The following BCOR variants were observed in gnomAD, a reference collection of about 807,000 sequenced individuals.
BCOR encodes BCL-6 corepressor.
In BCOR, 10 loss-of-function variants were observed where a neutral mutation model predicts 86.7. The ratio of observed to expected loss-of-function variants is 0.12; its 90% confidence interval spans 0.07 to 0.20. The LOEUF (loss-of-function observed/expected upper bound fraction) is 0.20. Among genes scored for constraint, BCOR ranks in the 10% least tolerant of loss-of-function variants. The pLI is 1.00. For synonymous variants in BCOR, 611 were observed against 609.0 expected, an observed-to-expected ratio of 1.00 and a Z score of -0.05; for missense variants, 1,259 against 1,452.1, an observed-to-expected ratio of 0.87 and a Z score of 2.16.
intron 6 of BCOR, chrX:40,068,250 G>A (rs1434865045): frequency 8.9e-6 from 1 of 111,951 alleles, no homozygotes; most frequent in African/African-American, 3.3e-5. Flanking sequence ...CCCTAAACAG[G>A]ATGGCAGAGG....
intron 1 of BCOR, among the ~76,000 whole-genome samples, chrX:40,124,004 T>C (rs1040258602): frequency 2.2e-4 from 24 of 111,229 alleles, no homozygotes; most frequent in African/African-American, 7.5e-4. Context: ...GCCAGGGCCC[T>C]TGGGAGCGGG....
intron 1 of BCOR, among the ~76,000 whole-genome samples, chrX:40,085,489 T>C (rs1300955940): frequency 8.9e-6 from 1 of 111,880 alleles, no homozygotes; most frequent in Non-Finnish European, 1.9e-5. Context: ...CCGAAGTTCA[T>C]GTCTCACTCC....
intron 1 of BCOR, among the ~76,000 whole-genome samples, chrX:40,160,981 A>ATT (rs757432695): frequency 1.1e-5 from 1 of 94,010 alleles, no homozygotes; most frequent in East Asian, 3.3e-4. Context: ...GGCCTTTTTT[A>ATT]TTTTTTTTTT....
intron 1 of BCOR, among the ~76,000 whole-genome samples, chrX:40,161,506 CTTT>C (rs749528691): frequency 1.8e-5 from 1 of 55,978 alleles, no homozygotes; most frequent in Non-Finnish European, 3.1e-5. Context: ...CGATTCTCCC[CTTT>C]TTTTTTTTTT....
chrX:40,061,113 C>T (rs1934842893), intron 10 of BCOR, among the ~76,000 whole-genome samples: 1 of 112,839 alleles, frequency 8.9e-6, no homozygotes, highest in East Asian at 2.8e-4. Context: ...TGCTTCTCCA[C>T]ACTTCACACT....
intron 1 of BCOR, among the ~76,000 whole-genome samples, chrX:40,147,872 C>T (rs1175970686): frequency 8.9e-6 from 1 of 112,679 alleles, no homozygotes; most frequent in East Asian, 2.8e-4. Context: ...CTTGGGCCTA[C>T]AGTTGGCTGA....
intron 10 of BCOR, 120 bp downstream of exon 10, chrX:40,062,019 G>C (rs1036806782): frequency 5.3e-6 from 5 of 934,788 alleles, no homozygotes; most frequent in South Asian, 2.1e-5. Flanking sequence ...TTGGAGCACC[G>C]GCCCAGCCCC....
At chrX:40,146,865 C>T (rs1938068850) in intron 1 of BCOR, among the ~76,000 whole-genome samples, 1 of 112,455 alleles carries the variant, frequency 8.9e-6, no homozygotes, top group African/African-American at 3.2e-5. Flanking sequence ...TCCTGGCCTC[C>T]CCGACGCAGA....
rs1207950465 is a variant in BCOR at position 40,095,584 on chromosome X, G to GA, written c.-41+1630dup. Among the ~76,000 whole-genome samples the GA allele has an allele frequency of 3.6e-5, 4 of 111,325 alleles. No homozygotes were observed. In the South Asian group the frequency reaches 1.5e-3, roughly 42 times the overall value. On this transcript the variant is annotated intron_variant, in intron 1 of 14. Coordinates refer to ENST00000378444, the MANE Select transcript of BCOR (RefSeq NM_001123385.2). ...CCCTCCTCTAGCGTCTTCTCAAAAC[G>GA]AAAAAAGGGGGGGAAAACACAGCTA...
chrX:40,127,201 T>G (rs1274764057), intron 1 of BCOR, among the ~76,000 whole-genome samples: 1 of 112,101 alleles, frequency 8.9e-6, no homozygotes, highest in East Asian at 2.8e-4. Context: ...CTTAAGAGAC[T>G]TTGTAGCTTC....
At chrX:40,167,716 G>A (rs1938531818) in intron 1 of BCOR, among the ~76,000 whole-genome samples, 1 of 111,759 alleles carries the variant, frequency 8.9e-6, no homozygotes, top group Non-Finnish European at 1.9e-5. Context: ...ATAAGAGCTG[G>A]GCGCATTGTC....
chrX:40,144,293 T>A (rs940055930), intron 1 of BCOR, among the ~76,000 whole-genome samples: 1 of 112,249 alleles, frequency 8.9e-6, no homozygotes, highest in East Asian at 2.8e-4. Flanking sequence ...TGATGATCAA[T>A]CGAAACCTGG....
chrX:40,065,190 G>A (rs112774133), intron 6 of BCOR, among the ~76,000 whole-genome samples: 38 of 112,156 alleles, frequency 3.4e-4, no homozygotes, highest in African/African-American at 1.0e-3. Flanking sequence ...GGGGGGCTCT[G>A]GGCCTACAGT....
At chrX:40,087,533 C>A (rs1208151152) in intron 1 of BCOR, among the ~76,000 whole-genome samples, 1 of 112,131 alleles carries the variant, frequency 8.9e-6, no homozygotes, top group Non-Finnish European at 1.9e-5. Flanking sequence ...CCCTGTTTTA[C>A]CCTCTGGAAT....
At chrX:40,127,594 T>TA (rs1208025436) in intron 1 of BCOR, among the ~76,000 whole-genome samples, 2 of 111,314 alleles carry the variant, frequency 1.8e-5, no homozygotes, top group African/African-American at 6.5e-5. Flanking sequence ...GTCTGTTGAC[T>TA]AGGCAGTGGC....
At position 40,054,295 on chromosome X, in the gene BCOR, C is replaced by A. The variant is rs768510508; in HGVS notation, c.4780G>T (p.Ala1594Ser). 8.3e-7 allele frequency: 1 copy of A among 1,208,702 alleles called. No individual in the cohort carries two copies. Among genetic ancestry groups the A allele is most frequent in the Non-Finnish European group, 1.1e-6 (1 of 893,478 alleles). Reference sequence around the variant, plus strand: ...CCATAGAAGTCCCAAGTGCCACTGGCGTCATCATCATTGCGACCCTGGAGG... The same window carrying A: ...CCATAGAAGTCCCAAGTGCCACTGGAGTCATCATCATTGCGACCCTGGAGG... ...NDLQGRNDDDASGTWDFYGSS... is the reference protein window; with the variant it reads ...NDLQGRNDDDSSGTWDFYGSS... The change falls in exon 13 of 15, where the codon GCC (alanine) becomes TCC (serine). Residue 1594 changes from alanine to serine, a missense_variant. Ala to Ser is a moderately conservative substitution (Grantham distance 99). This residue lies in a region of BCOR where 137 missense variants were observed against 149.8 expected (regional missense o/e 0.91). Transcript: ENST00000378444.
chrX:40,122,720 A>G (rs1602240745), intron 1 of BCOR, among the ~76,000 whole-genome samples: 1 of 111,396 alleles, frequency 9.0e-6, no homozygotes, highest in East Asian at 2.8e-4. Flanking sequence ...GTGACTGGAT[A>G]TTCTTAGCAG....
chrX:40,064,499 G>C lies in BCOR; in HGVS notation c.3339C>G (p.Ser1113Arg). ...AGGCCACCTGGTCTGCGGGAGGCTC[G>C]CTCACAGGCTGCCTCTCCACAAAGT... ...EKYFVERQPV[S>R]EPPADQVASD... Residue 1113 changes from serine to arginine, a missense_variant, in exon 7 of 15, where the codon AGC becomes AGG. Physicochemically the swap from Ser to Arg is moderately radical, Grantham distance 110. Transcript: ENST00000378444. The C allele has an allele frequency of 8.2e-7, 1 of 1,212,193 alleles. No individual in the cohort carries two copies. Among genetic ancestry groups the C allele is most frequent in the Non-Finnish European group, 1.1e-6 (1 of 895,543 alleles).
intron 1 of BCOR, among the ~76,000 whole-genome samples, chrX:40,166,738 G>C (rs375015930): frequency 8.9e-6 from 1 of 112,064 alleles, no homozygotes; most frequent in South Asian, 3.7e-4. Context: ...AGGCGCTTAA[G>C]TGCATCTGGT....
Sources: gnomAD v4.1 joint callset for allele counts (sites outside exome capture counted in the v4.1 genomes callset) on GRCh38, gnomAD v4.1.1 for gene constraint, gnomAD v4.1.1 regional missense constraint, MANE v1.5 for transcripts, NCBI Gene and HGNC (gene_info 2026-07-23, HGNC 2026-07-21) for gene names.